Variants in LCP1 observed in about 807,000 individuals in gnomAD.
The protein encoded by LCP1 is plastin-2.
Under a neutral mutation model 72.0 loss-of-function variants are expected in LCP1, and 23 were observed. That is an observed-to-expected ratio of 0.32 (90% confidence interval 0.23 to 0.45). The LOEUF is 0.45. Among genes scored for constraint, LCP1 ranks in the 20% least tolerant of loss-of-function variants. The pLI is 1.00. For synonymous variants in LCP1, 245 were observed against 275.4 expected, an observed-to-expected ratio of 0.89 and a Z score of 1.09; for missense variants, 571 against 748.3, an observed-to-expected ratio of 0.76 and a Z score of 2.76.
intron 1 of LCP1, among the ~76,000 whole-genome samples, chr13:46,173,668 G>A (rs2045914552): frequency 6.6e-6 from 1 of 152,098 alleles, no homozygotes; most frequent in Admixed American, 6.5e-5. Flanking sequence ...TTCTCAGTCT[G>A]GCTTATTTTG....
chr13:46,143,432 T>A, intron 11 of LCP1, 28 bp from the exon 12 acceptor site: 1 of 1,473,806 alleles, frequency 6.8e-7, no homozygotes, highest in Non-Finnish European at 9.5e-7. Flanking sequence ...AAAAGGATTC[T>A]CAGATATCCA....
intron 1 of LCP1, among the ~76,000 whole-genome samples, chr13:46,174,768 C>A (rs577532272): frequency 6.6e-6 from 1 of 150,728 alleles, no homozygotes; most frequent in South Asian, 2.1e-4. Context: ...ATCTCTTGAA[C>A]CCAGTAGGCG....
intron 12 of LCP1, 39 bp from the exon 13 acceptor site, chr13:46,142,464 CTTGA>C: frequency 6.3e-7 from 1 of 1,598,940 alleles, no homozygotes; most frequent in Non-Finnish European, 8.6e-7. Context: ...ACGTCATCAT[CTTGA>C]TTATGATAAA....
At position 46,152,880 on chromosome 13, in the gene LCP1, A is replaced by C. The variant is rs1288116180; in HGVS notation, c.639T>G (p.Ala213=). ...AAGGCTTCCCCTCCTTCAGGTCCTC[A>C]GCCCCTATGTTGACCACATGGCACC... The part of the protein sequence containing the change: ...AIGCHVVNIG[A]EDLKEGKPYL... The change falls in exon 7 of 16, where the codon GCT becomes GCG. Residue 213 remains alanine (A), a synonymous_variant. Transcript: ENST00000323076. 6.2e-7 allele frequency: 1 copy of C among 1,614,144 alleles called. No individual in the cohort carries two copies. The highest frequency in any genetic ancestry group is 8.5e-7 in the Non-Finnish European group (1 of 1,179,998).
At chr13:46,137,821 C>A (rs76129039) in intron 13 of LCP1, among the ~76,000 whole-genome samples, 1,973 of 152,302 alleles carry the variant, frequency 0.013, 45 homozygotes, top group African/African-American at 0.044. Flanking sequence ...CCAGCTTTAG[C>A]CAGTTCCTCC....
chr13:46,171,561 T>C (rs1187043623), intron 1 of LCP1, among the ~76,000 whole-genome samples: 1 of 152,160 alleles, frequency 6.6e-6, no homozygotes, highest in African/African-American at 2.4e-5. Flanking sequence ...AGGGTCCTCT[T>C]TGCCCGTGGC....
At position 46,148,378 on chromosome 13, in the gene LCP1, C is replaced by T. The variant is rs778176739; in HGVS notation, c.952G>A (p.Val318Ile). Reference sequence around the variant, plus strand: ...CGCAGTCCTGACATGTCAATAACAACAGCAGGAACACCTTCTTCATCTCCT... The same window carrying T: ...CGCAGTCCTGACATGTCAATAACAATAGCAGGAACACCTTCTTCATCTCCT... ...PKGDEEGVPA[V>I]VIDMSGLREK... The change falls in exon 9 of 16, where the codon GTT (valine) becomes ATT (isoleucine). Residue 318 changes from valine to isoleucine, a missense_variant. By Grantham distance (29) the Val-to-Ile change is conservative. Transcript: ENST00000323076. The T allele has an allele frequency of 1.7e-5, 28 of 1,613,246 alleles. No homozygotes were observed. In the South Asian group the frequency reaches 2.7e-4, roughly 16 times the overall value.
At chr13:46,142,464 C>T in intron 12 of LCP1, 39 bp from the exon 13 acceptor site, 1 of 1,598,940 alleles carries the variant, frequency 6.3e-7, no homozygotes. Flanking sequence ...ACGTCATCAT[C>T]TTGATTATGA....
intron 1 of LCP1, among the ~76,000 whole-genome samples, chr13:46,176,887 G>A (rs1461289149): frequency 6.9e-6 from 1 of 145,558 alleles, no homozygotes; most frequent in African/African-American, 2.4e-5. Context: ...GTGTGTGTGT[G>A]TGTGTGTGTG....
chr13:46,154,055 A>T (rs1043141251), intron 6 of LCP1, among the ~76,000 whole-genome samples: 1 of 152,246 alleles, frequency 6.6e-6, no homozygotes, highest in Non-Finnish European at 1.5e-5. Context: ...GAACTATCAG[A>T]AGAAAAGTGG....
chr13:46,156,594 C>G (rs1350298650), intron 4 of LCP1, 24 bp from the exon 5 acceptor site: 3 of 1,613,558 alleles, frequency 1.9e-6, no homozygotes, highest in Non-Finnish European at 2.5e-6. Context: ...ATTAAAGTGA[C>G]TCATTTGCAA....
intron 6 of LCP1, among the ~76,000 whole-genome samples, chr13:46,154,292 T>C (rs139991640): frequency 2.0e-5 from 3 of 152,334 alleles, no homozygotes; most frequent in African/African-American, 7.2e-5. Context: ...AAAAGAATTA[T>C]GATAATGTTA....
intron 10 of LCP1, 112 bp from the exon 11 acceptor site, chr13:46,144,632 G>T (rs529433278): frequency 7.4e-5 from 55 of 739,552 alleles, no homozygotes; most frequent in African/African-American, 6.1e-4. Context: ...ATGAAAGAAA[G>T]AAATAAAATA....
At chr13:46,154,115 A>G (rs1882505436) in intron 6 of LCP1, among the ~76,000 whole-genome samples, 1 of 152,220 alleles carries the variant, frequency 6.6e-6, no homozygotes, top group South Asian at 2.1e-4. Flanking sequence ...GTTTCTATAT[A>G]TGGTCAAGAT....
In LCP1 at chr13:46,154,793, G is replaced by T. The variant is rs1480673833; in HGVS notation, c.573+12C>A. ...ACAAATCCTGTATTATGGTAACGGT[G>T]GGAAGACATACCTGAATGGTGAAAG... On this transcript the variant is annotated intron_variant, in intron 6 of 15. Coordinates refer to ENST00000323076, the MANE Select transcript of LCP1 (RefSeq NM_002298.5). The T allele has an allele frequency of 1.9e-6, 3 of 1,605,786 alleles. No homozygotes were observed. In the African/African-American group the frequency reaches 4.0e-5, roughly 21 times the overall value.
chr13:46,140,236 C>T (rs1313999247), intron 13 of LCP1, among the ~76,000 whole-genome samples: 3 of 152,110 alleles, frequency 2.0e-5, no homozygotes, highest in Non-Finnish European at 4.4e-5. Flanking sequence ...AGAGGGTTTC[C>T]CTCAGTCTTC....
chr13:46,152,442 C>A (rs781673306), intron 7 of LCP1, among the ~76,000 whole-genome samples: 1 of 152,108 alleles, frequency 6.6e-6, no homozygotes, highest in Non-Finnish European at 1.5e-5. Context: ...TTGCTTACTT[C>A]GCAAAGTGCA....
rs374843487 is a variant in LCP1 at position 46,162,179 on chromosome 13, T to G, written c.-24-2493A>C. On this transcript the variant is annotated intron_variant, in intron 1 of 15. Transcript: ENST00000323076. The stretch of plus-strand genomic sequence containing the variant: ...TCCCAGGCTGTCTACTCGGGTTCTC[T>G]GCCTTCATGTTCCTGTTAGACACAC... Among the ~76,000 whole-genome samples, 7 of 152,082 alleles carry G rather than the reference T, an allele frequency of 4.6e-5. No homozygotes were observed. In the East Asian group the frequency reaches 9.7e-4, roughly 21 times the overall value.
chr13:46,154,950 A>G, intron 5 of LCP1, 64 bp from the exon 6 acceptor site: 1 of 1,253,978 alleles, frequency 8.0e-7, no homozygotes, highest in Non-Finnish European at 1.2e-6. Context: ...AGTAACGTTG[A>G]ATTTAAATTC....
Sources: gnomAD v4.1 joint callset for allele counts (sites outside exome capture counted in the v4.1 genomes callset) on GRCh38, gnomAD v4.1.1 for gene constraint, MANE v1.5 for transcripts, NCBI Gene and HGNC (gene_info 2026-07-23, HGNC 2026-07-21) for gene names.